Variants in PRIM2 observed in about 807,000 individuals in gnomAD.
The protein encoded by PRIM2 is DNA primase subunit 2.
In PRIM2, 39 loss-of-function variants were observed where a neutral mutation model predicts 67.3. That is an observed-to-expected ratio of 0.58 (90% CI 0.45 to 0.76). The LOEUF is 0.76. Among genes scored for constraint, PRIM2 ranks in the 30% least tolerant of loss-of-function variants. The pLI, the probability that PRIM2 is intolerant of heterozygous loss-of-function variation, is 0.00. For missense variants in PRIM2, 398 were observed against 598.7 expected, an observed-to-expected ratio of 0.66 and a Z score of 3.50; for synonymous variants, 143 against 198.7, an observed-to-expected ratio of 0.72 and a Z score of 2.36.
At chr6:57,311,588 G>A (rs1001762267), upstream of PRIM2, among the ~76,000 whole-genome samples, 4 of 152,164 alleles carry the variant, frequency 2.6e-5, no homozygotes, top group African/African-American at 9.6e-5. Context: ...CAGACGATGG[G>A]TGGCCAGGCA....
At chr6:57,358,211 G>A (rs1769094660) in intron 5 of PRIM2, among the ~76,000 whole-genome samples, 2 of 152,324 alleles carry the variant, frequency 1.3e-5, no homozygotes, top group South Asian at 2.1e-4. Context: ...GGTAGATCAA[G>A]CAATAGTGTG....
intron 10 of PRIM2, among the ~76,000 whole-genome samples, chr6:57,562,814 ATTC>A (rs1224593231): frequency 2.0e-5 from 3 of 152,194 alleles, no homozygotes; most frequent in African/African-American, 4.8e-5. Context: ...CTCTCAGCAA[ATTC>A]TTCTGGCTCA....
intron 10 of PRIM2, among the ~76,000 whole-genome samples, chr6:57,544,492 A>T (rs1249719407): frequency 1.3e-5 from 2 of 152,196 alleles, no homozygotes; most frequent in African/African-American, 4.8e-5. Context: ...GCTCTGTCAG[A>T]TGTATTAAGT....
chr6:57,321,521 C>T (rs1767655662), intron 3 of PRIM2, among the ~76,000 whole-genome samples: 1 of 151,632 alleles, frequency 6.6e-6, no homozygotes, highest in Non-Finnish European at 1.5e-5. Flanking sequence ...ATGAGGAATA[C>T]CAATATTGAA....
chr6:57,264,391 C>G, the PRIM2 span, among the ~76,000 whole-genome samples: 1 of 151,964 alleles, frequency 6.6e-6, no homozygotes, highest in African/African-American at 2.4e-5. Flanking sequence ...ATTTTGGCCT[C>G]CTGATTTATC....
chr6:57,589,515 T>C lies in PRIM2; in HGVS notation c.1021-11578T>C, dbSNP rs1194908349. Among the ~76,000 whole-genome samples, 18 of 152,106 alleles carry C rather than the reference T, an allele frequency of 1.2e-4. No individual in the cohort carries two copies. The East Asian group carries it at 3.3e-3, about 28-fold the overall frequency. On this transcript the variant is annotated intron_variant, in intron 10 of 13. Coordinates refer to ENST00000615550, the MANE Select transcript of PRIM2 (RefSeq NM_000947.5). ...TGAGAGCTCTAGGAACTTTACTGAGTCAGAAAAATTTTTCTACAGACAGTG... is the reference window on the plus strand; with the variant it reads ...TGAGAGCTCTAGGAACTTTACTGAGCCAGAAAAATTTTTCTACAGACAGTG...
intron 8 of PRIM2, among the ~76,000 whole-genome samples, chr6:57,530,384 T>C (rs1774861762): frequency 6.6e-6 from 1 of 152,256 alleles, no homozygotes; most frequent in East Asian, 1.9e-4. Flanking sequence ...CTTGTTCATA[T>C]AGTTTCCTCT....
At chr6:57,344,032 A>T (rs994022238) in intron 5 of PRIM2, among the ~76,000 whole-genome samples, 2 of 152,124 alleles carry the variant, frequency 1.3e-5, no homozygotes, top group Admixed American at 1.3e-4. Context: ...ACTTAGCAGG[A>T]TTCTCACTGA....
At chr6:57,455,882 G>C (rs972603813) in intron 7 of PRIM2, among the ~76,000 whole-genome samples, 1 of 152,128 alleles carries the variant, frequency 6.6e-6, no homozygotes. Flanking sequence ...TTCCTAGCCT[G>C]GATGGTCTTT....
chr6:57,340,102 A>G (rs1356018304), intron 5 of PRIM2, among the ~76,000 whole-genome samples: 2 of 152,232 alleles, frequency 1.3e-5, no homozygotes, highest in Admixed American at 1.3e-4. Context: ...AACACATGAA[A>G]AAATGCTCAT....
intron 7 of PRIM2, among the ~76,000 whole-genome samples, chr6:57,412,428 T>G (rs1771117337): frequency 6.6e-6 from 1 of 152,280 alleles, no homozygotes; most frequent in Admixed American, 6.5e-5. Context: ...CCTCTGTTTT[T>G]ATTTACGATT....
chr6:57,231,695 T>C, the PRIM2 span, among the ~76,000 whole-genome samples: 3 of 152,182 alleles, frequency 2.0e-5, no homozygotes, highest in African/African-American at 7.2e-5. Flanking sequence ...GGAAAACAAA[T>C]ATTTTGTTGG....
Position 57,646,433 on chromosome 6 carries a change from A to T in PRIM2, c.*275A>T. 3.1e-6 allele frequency: 1 copy of T among 325,512 alleles called. No homozygotes were observed. The highest frequency in any genetic ancestry group is 5.6e-6 in the Non-Finnish European group (1 of 178,720). The allele number at this position is 325,512 out of a possible 1,614,324, so 20.2% of individuals were successfully genotyped here. On this transcript the variant is annotated 3_prime_UTR_variant, in exon 14 of 14. Transcript: ENST00000615550. ...CCTATGTTGCCCAGGCAGATCTCAG[A>T]CTCCTGGGCTCAAGCGATCCTCACA... is the stretch of plus-strand genomic sequence containing the variant.
At chr6:57,224,506 GAGAT>G in the PRIM2 span, among the ~76,000 whole-genome samples, 2 of 152,154 alleles carry the variant, frequency 1.3e-5, no homozygotes, top group Non-Finnish European at 2.9e-5. Flanking sequence ...AGAAAGTCTG[GAGAT>G]AGATGGTGGT....
chr6:57,644,365 C>T (rs1446839612), intron 13 of PRIM2, among the ~76,000 whole-genome samples: 5 of 152,124 alleles, frequency 3.3e-5, no homozygotes, highest in African/African-American at 1.2e-4. Context: ...AATAGCACTC[C>T]TCTTACAAAG....
upstream of PRIM2, among the ~76,000 whole-genome samples, chr6:57,317,214 C>T (rs1028567640): frequency 1.3e-5 from 2 of 152,128 alleles, no homozygotes; most frequent in Admixed American, 1.3e-4. Context: ...AAAAAAGATC[C>T]TAATGCCTTT....
At chr6:57,419,680 G>A (rs1235076725) in intron 7 of PRIM2, among the ~76,000 whole-genome samples, 3 of 152,114 alleles carry the variant, frequency 2.0e-5, no homozygotes, top group Non-Finnish European at 4.4e-5. Context: ...TTATAGGATT[G>A]GAGATGAGGG....
At chr6:57,338,079 C>T (rs1029008780) in intron 5 of PRIM2, among the ~76,000 whole-genome samples, 1 of 151,814 alleles carries the variant, frequency 6.6e-6, no homozygotes, top group East Asian at 1.9e-4. Context: ...ACTACAAACA[C>T]CTCTATGCAA....
At chr6:57,578,711 C>A (rs1776008750) in intron 10 of PRIM2, among the ~76,000 whole-genome samples, 2 of 132,800 alleles carry the variant, frequency 1.5e-5, no homozygotes, top group African/African-American at 5.6e-5. Flanking sequence ...GAGTCTCGCT[C>A]TGTCGCCCAG....
Sources: allele counts gnomAD v4.1 joint callset (sites outside exome capture counted in the v4.1 genomes callset), GRCh38; gene constraint gnomAD v4.1.1; transcripts MANE v1.5; gene names NCBI Gene and HGNC (gene_info 2026-07-23, HGNC 2026-07-21).